Variants in GNB1 observed in about 807,000 individuals in gnomAD.
GNB1 encodes G protein subunit beta 1.
A neutral mutation model predicts 42.9 loss-of-function variants in GNB1; 2 were observed. The ratio of observed to expected loss-of-function variants is 0.05; its 90% CI spans 0.02 to 0.15. The LOEUF is 0.15. Ranked by LOEUF, GNB1 falls within the 10% of genes least tolerant of loss-of-function variation. The pLI, the probability that GNB1 is intolerant of heterozygous loss-of-function variation, is 1.00. For synonymous variants in GNB1, 183 were observed against 174.7 expected (o/e 1.05, Z -0.38); for missense variants, 193 against 462.2 (o/e 0.42, Z 5.34).
At chr1:1,848,442 G>A (rs144474777) in intron 1 of GNB1, among the ~76,000 whole-genome samples, 2 of 151,660 alleles carry the variant, frequency 1.3e-5, no homozygotes, top group African/African-American at 4.8e-5. Context: ...GTTCCACCAA[G>A]TATGCCTGTC....
intron 1 of GNB1, among the ~76,000 whole-genome samples, chr1:1,876,906 A>C (rs1649575014): frequency 6.6e-6 from 1 of 152,198 alleles, no homozygotes; most frequent in African/African-American, 2.4e-5. Context: ...GGATTCAGGT[A>C]CAAGAAATAC....
chr1:1,830,415 C>T (rs1244421345), intron 2 of GNB1, among the ~76,000 whole-genome samples: 1 of 151,996 alleles, frequency 6.6e-6, no homozygotes, highest in Non-Finnish European at 1.5e-5. Flanking sequence ...GCGCCCGCCA[C>T]CACGCCCAGC....
At chr1:1,803,991 AAAAAAAAAAAAAG>A (rs1408906141) in intron 7 of GNB1, among the ~76,000 whole-genome samples, 3 of 102,442 alleles carry the variant, frequency 2.9e-5, no homozygotes, top group Non-Finnish European at 6.2e-5. Flanking sequence ...TTAAAAAAAA[AAAAAAAAAAAAAG>A]AAAAAAAGGC....
chr1:1,886,537 TG>T (rs377581843), intron 1 of GNB1, among the ~76,000 whole-genome samples: 66 of 152,330 alleles, frequency 4.3e-4, no homozygotes, highest in Admixed American at 4.6e-4. Context: ...TCAGTAATGT[TG>T]AACACTGCAG....
At chr1:1,832,541 T>A (rs555908586) in intron 2 of GNB1, among the ~76,000 whole-genome samples, 10 of 152,194 alleles carry the variant, frequency 6.6e-5, no homozygotes, top group Non-Finnish European at 1.3e-4. Context: ...TGCCCCTACT[T>A]TAGAACAACA....
At chr1:1,824,171 T>C (rs1158177766) in intron 3 of GNB1, among the ~76,000 whole-genome samples, 1 of 152,216 alleles carries the variant, frequency 6.6e-6, no homozygotes, top group Non-Finnish European at 1.5e-5. Flanking sequence ...AGACGTGGTT[T>C]TTCCTGAGAA....
intron 1 of GNB1, 65 bp downstream of exon 1, chr1:1,890,755 C>A (rs1396294208): frequency 2.7e-5 from 4 of 148,364 alleles, no homozygotes; most frequent in Non-Finnish European, 6.0e-5. Flanking sequence ...GCGGGGCGGG[C>A]GCCCCCAGGG....
At chr1:1,815,705 A>G (rs1157305243) in intron 5 of GNB1, 51 bp downstream of exon 5, 3 of 967,986 alleles carry the variant, frequency 3.1e-6, no homozygotes, top group Non-Finnish European at 5.0e-6. Context: ...CTAGGACAAC[A>G]GAGCAGCCCC....
intron 1 of GNB1, among the ~76,000 whole-genome samples, chr1:1,842,327 G>A (rs1263010965): frequency 1.3e-5 from 2 of 152,090 alleles, no homozygotes; most frequent in South Asian, 2.1e-4. Context: ...CTACTCTGGA[G>A]GCTGAGGCAG....
rs529530296 is a variant in GNB1, at chr1:1,786,107, C to G, written c.*956G>C. The G allele has an allele frequency of 7.5e-6, 3 of 398,536 alleles. No homozygotes were observed. The highest frequency in any genetic ancestry group is 6.2e-5 in the African/African-American group (3 of 48,688). The allele number at this position is 398,536 out of a possible 1,614,324, so 24.7% of individuals were successfully genotyped here. On this transcript the variant is annotated 3_prime_UTR_variant, in exon 12 of 12. Transcript: ENST00000378609. ...AAGTCTGAGATCATTATTTTCAAAA[C>G]ATTGATTTGTACATTGTTTCATACA...
intron 1 of GNB1, among the ~76,000 whole-genome samples, chr1:1,847,527 C>T (rs1647733837): frequency 6.6e-6 from 1 of 152,128 alleles, no homozygotes. Flanking sequence ...ACCTTTAAGG[C>T]TCATAACACA....
chr1:1,806,932 C>T (rs11585349), intron 5 of GNB1, among the ~76,000 whole-genome samples: 13,299 of 152,114 alleles, frequency 0.087, 796 homozygotes, highest in Non-Finnish European at 0.13. Flanking sequence ...CACAATCATG[C>T]CACTGGACAC....
chr1:1,874,791 C>CAA (rs1223843039), intron 1 of GNB1, among the ~76,000 whole-genome samples: 1 of 141,268 alleles, frequency 7.1e-6, no homozygotes, highest in Non-Finnish European at 1.5e-5. Flanking sequence ...CACCCTGTCT[C>CAA]AAAAAAAAAA....
chr1:1,887,501 G>C (rs1650221721), intron 1 of GNB1, among the ~76,000 whole-genome samples: 1 of 152,190 alleles, frequency 6.6e-6, no homozygotes, highest in Non-Finnish European at 1.5e-5. Context: ...ACTTTTGCAG[G>C]ATAGTACAAC....
chr1:1,820,193 C>T (rs1325626348), intron 3 of GNB1, among the ~76,000 whole-genome samples: 1 of 151,768 alleles, frequency 6.6e-6, no homozygotes, highest in South Asian at 2.1e-4. Flanking sequence ...CCCATCCCTA[C>T]TAAAAACACA....
intron 2 of GNB1, among the ~76,000 whole-genome samples, chr1:1,836,422 C>T (rs896699907): frequency 8.5e-5 from 12 of 141,686 alleles, no homozygotes; most frequent in Admixed American, 2.2e-4. Context: ...CACAGGGTCT[C>T]GCTCTGTTGT....
In GNB1 at chr1:1,787,232, T is replaced by C; in HGVS notation, c.*9+90A>G. On this transcript the variant is annotated intron_variant, in intron 11 of 11. Coordinates refer to ENST00000378609, the MANE Select transcript of GNB1 (RefSeq NM_002074.5). The surrounding 1 kb of genome is among the most constrained non-coding windows in gnomAD (Gnocchi z 4.4). ...TCCAAATCAATGCTACATCAACATT[T>C]ATCTAGAAACCGTTAATGACAACTT... 1.3e-6 allele frequency: 1 copy of C among 742,558 alleles called. No homozygotes were observed. The highest frequency in any genetic ancestry group is 1.7e-5 in the South Asian group (1 of 58,656). The allele number at this position is 742,558 out of a possible 1,614,324, so 46.0% of individuals were successfully genotyped here. A position where few individuals can be genotyped will look rare whatever the true frequency, so the allele number is the denominator to read the frequency against.
In GNB1 at chr1:1,807,451, G is replaced by A. The variant is rs558683875; in HGVS notation, c.204-913C>T. Among the ~76,000 whole-genome samples, 173 of 103,560 alleles carry A rather than the reference G, an allele frequency of 1.7e-3. 2 individuals are homozygous for A. In the South Asian group the frequency reaches 0.017, roughly 10 times the overall value. 67.9% of individuals were successfully genotyped at this position (103,560 alleles called of 152,430 possible). ...TGCACTCTAGCCTGGGCAACAGAGCGAGATCCTGACTGAAAAAAAAAAAAA... is the reference window on the plus strand; with the variant it reads ...TGCACTCTAGCCTGGGCAACAGAGCAAGATCCTGACTGAAAAAAAAAAAAA... On this transcript the variant is annotated intron_variant, in intron 5 of 11. Coordinates refer to ENST00000378609, the MANE Select transcript of GNB1 (RefSeq NM_002074.5).
intron 1 of GNB1, among the ~76,000 whole-genome samples, chr1:1,843,089 G>A (rs1039174688): frequency 2.6e-5 from 4 of 152,164 alleles, no homozygotes; most frequent in African/African-American, 9.7e-5. Context: ...GACCCCAGTT[G>A]AGAACTCTTC....
Sources: gnomAD v4.1 joint callset for allele counts (sites outside exome capture counted in the v4.1 genomes callset) on GRCh38, gnomAD v4.1.1 for gene constraint, Gnocchi (gnomAD v3.1) non-coding constraint, MANE v1.5 for transcripts, NCBI Gene and HGNC (gene_info 2026-07-23, HGNC 2026-07-21) for gene names.